Variants in IL1R1 observed in about 807,000 individuals in gnomAD.
The protein encoded by IL1R1 is interleukin-1 receptor type 1.
In IL1R1, 22 loss-of-function variants were observed where a neutral mutation model predicts 50.2. The observed-to-expected ratio is 0.44, with a 90% CI of 0.31 to 0.63. The LOEUF (loss-of-function observed/expected upper bound fraction) is 0.63, where lower values mean the gene tolerates loss of function less well. Among genes scored for constraint, IL1R1 ranks in the 20% least tolerant of loss-of-function variants. The pLI, the probability that IL1R1 is intolerant of heterozygous loss-of-function variation, is 0.07. For missense variants in IL1R1, 509 were observed against 676.2 expected (o/e 0.75, Z 2.74); for synonymous variants, 251 against 236.7 (o/e 1.06, Z -0.55).
chr2:102,146,263 TG>T (rs928016696), intron 1 of IL1R1, among the ~76,000 whole-genome samples: 6 of 152,188 alleles, frequency 3.9e-5, no homozygotes, highest in African/African-American at 1.4e-4. Context: ...TTTCCATCAG[TG>T]GGTCTCACCT....
At chr2:102,090,092 C>T (rs944916298) in intron 1 of IL1R1, among the ~76,000 whole-genome samples, 1 of 151,888 alleles carries the variant, frequency 6.6e-6, no homozygotes, top group South Asian at 2.1e-4. Flanking sequence ...CCTCAGCCTC[C>T]CAAAGGGCTA....
upstream of IL1R1, among the ~76,000 whole-genome samples, chr2:102,102,888 A>G (rs748493469): frequency 3.3e-5 from 5 of 152,170 alleles, no homozygotes; most frequent in Non-Finnish European, 5.9e-5. Flanking sequence ...CTGAGAACTA[A>G]CACAGAAACA....
At chr2:102,161,024 G>C (rs1484456111) in intron 3 of IL1R1, among the ~76,000 whole-genome samples, 1 of 152,134 alleles carries the variant, frequency 6.6e-6, no homozygotes, top group African/African-American at 2.4e-5. Flanking sequence ...AGTTTCTTAA[G>C]GTAGAAGCTC....
intron 1 of IL1R1, among the ~76,000 whole-genome samples, chr2:102,076,550 A>T (rs1265093993): frequency 6.6e-6 from 1 of 152,230 alleles, no homozygotes; most frequent in Non-Finnish European, 1.5e-5. Context: ...ACTTCATTTT[A>T]TCTTCATTTC....
intron 1 of IL1R1, among the ~76,000 whole-genome samples, chr2:102,109,735 A>C (rs1222453419): frequency 6.6e-6 from 1 of 152,118 alleles, no homozygotes; most frequent in Non-Finnish European, 1.5e-5. Context: ...TTATCACACC[A>C]ACCTAGACTC....
intron 1 of IL1R1, among the ~76,000 whole-genome samples, chr2:102,086,118 T>C (rs1469389786): frequency 6.6e-6 from 1 of 152,212 alleles, no homozygotes; most frequent in Non-Finnish European, 1.5e-5. Context: ...TTTACTGATT[T>C]TAATAATCTG....
chr2:102,074,522 C>T (rs1242177463), intron 1 of IL1R1, among the ~76,000 whole-genome samples: 1 of 151,472 alleles, frequency 6.6e-6, no homozygotes. Context: ...AGCTGTTCAA[C>T]CTTTGTGAGA....
upstream of IL1R1, among the ~76,000 whole-genome samples, chr2:102,101,300 T>C (rs569886239): frequency 6.6e-6 from 1 of 152,332 alleles, no homozygotes; most frequent in Admixed American, 6.5e-5. Flanking sequence ...GAAGTGATTT[T>C]CCCAAAGATA....
At chr2:102,136,987 A>G (rs1400838525) in intron 1 of IL1R1, among the ~76,000 whole-genome samples, 1 of 152,236 alleles carries the variant, frequency 6.6e-6, no homozygotes, top group East Asian at 1.9e-4. Context: ...ACATTTCCTC[A>G]AAAGTACATA....
At chr2:102,089,834 C>CTTTT (rs36099195) in intron 1 of IL1R1, among the ~76,000 whole-genome samples, 1 of 134,248 alleles carries the variant, frequency 7.4e-6, no homozygotes, top group Non-Finnish European at 1.6e-5. Context: ...TTTGGTTTAT[C>CTTTT]TTTTTTTTTT....
chr2:102,098,893 G>T (rs1680015986), intron 1 of IL1R1, among the ~76,000 whole-genome samples: 1 of 152,098 alleles, frequency 6.6e-6, no homozygotes, highest in African/African-American at 2.4e-5. Context: ...TTGTTGATTT[G>T]TATCAGAGAG....
intron 7 of IL1R1, among the ~76,000 whole-genome samples, chr2:102,170,727 C>A (rs1043405463): frequency 6.6e-6 from 1 of 152,026 alleles, no homozygotes; most frequent in Non-Finnish European, 1.5e-5. Flanking sequence ...ACTAAAAAAA[C>A]CAAAACCCTG....
chr2:102,161,215 T>G (rs1040543692), intron 3 of IL1R1, among the ~76,000 whole-genome samples: 36 of 152,324 alleles, frequency 2.4e-4, no homozygotes, highest in Middle Eastern at 3.4e-3. Flanking sequence ...AGGAGTATGT[T>G]AATTTTCAAA....
At chr2:102,098,391 G>A (rs1472426583) in intron 1 of IL1R1, among the ~76,000 whole-genome samples, 1 of 152,032 alleles carries the variant, frequency 6.6e-6, no homozygotes, top group Non-Finnish European at 1.5e-5. Flanking sequence ...GGAGTTGCTG[G>A]CCAATGCAGC....
intron 1 of IL1R1, among the ~76,000 whole-genome samples, chr2:102,092,753 G>A (rs982919799): frequency 3.9e-5 from 6 of 152,186 alleles, no homozygotes; most frequent in Admixed American, 3.3e-4. Context: ...AACAGGGATG[G>A]TGGGAGGGCA....
rs367774103 is a variant in IL1R1 at position 102,172,674 on chromosome 2, C to T, written c.840-13C>T. ...TAACTTACACAAGTTTATTTACTCTCTCTCTCGAATAGTGTGGAAAATCCT... is the reference window on the plus strand; with the variant it reads ...TAACTTACACAAGTTTATTTACTCTTTCTCTCGAATAGTGTGGAAAATCCT... On this transcript the variant is annotated splice_polypyrimidine_tract_variant and intron_variant, in intron 8 of 11. Transcript: ENST00000410023. 4 of 1,587,546 alleles carry T rather than the reference C, an allele frequency of 2.5e-6. No homozygotes were observed. The highest frequency in any genetic ancestry group is 1.8e-5 in the Admixed American group (1 of 56,684).
intron 1 of IL1R1, among the ~76,000 whole-genome samples, chr2:102,084,424 A>G (rs958078381): frequency 1.3e-5 from 2 of 152,248 alleles, no homozygotes; most frequent in African/African-American, 4.8e-5. Flanking sequence ...AACTCACAGT[A>G]GTAAAAATCC....
intron 3 of IL1R1, among the ~76,000 whole-genome samples, chr2:102,163,291 A>T (rs1431682479): frequency 6.6e-6 from 1 of 152,196 alleles, no homozygotes; most frequent in Non-Finnish European, 1.5e-5. Context: ...TTTTTGTCAC[A>T]TCTTGAAAAA....
At chr2:102,108,698 G>A (rs926874433) in intron 1 of IL1R1, among the ~76,000 whole-genome samples, 1 of 152,010 alleles carries the variant, frequency 6.6e-6, no homozygotes, top group Non-Finnish European at 1.5e-5. Context: ...CGTTTAGTTT[G>A]GGTGAGTCTC....
Sources: allele counts gnomAD v4.1 joint callset (sites outside exome capture counted in the v4.1 genomes callset), GRCh38; gene constraint gnomAD v4.1.1; transcripts MANE v1.5; gene names NCBI Gene and HGNC (gene_info 2026-07-23, HGNC 2026-07-21).